USP18: variants seen among roughly 807,000 people sequenced by gnomAD.
The protein encoded by USP18 is ubl carboxyl-terminal hydrolase 18.
A neutral mutation model predicts 48.7 loss-of-function variants in USP18; 11 were observed. The ratio of observed to expected loss-of-function variants is 0.23; its 90% CI spans 0.14 to 0.37. The LOEUF is 0.37. Ranked by LOEUF, USP18 falls within the 10% of genes least tolerant of loss-of-function variation. USP18 has a pLI of 1.00. For synonymous variants in USP18, 114 were observed against 163.2 expected, an observed-to-expected ratio of 0.70 and a Z score of 2.30; for missense variants, 285 against 436.4, an observed-to-expected ratio of 0.65 and a Z score of 3.09.
At chr22:18,159,825 A>G (rs8137730) in intron 2 of USP18, among the ~76,000 whole-genome samples, 5,073 of 151,850 alleles carry the variant, frequency 0.033, 295 homozygotes, top group African/African-American at 0.12. Context: ...ACAGGCGCCC[A>G]CCACCACGCC....
intron 2 of USP18, among the ~76,000 whole-genome samples, chr22:18,159,430 C>T (rs867208667): frequency 1.3e-4 from 19 of 151,854 alleles, no homozygotes; most frequent in Admixed American, 5.3e-4. Flanking sequence ...ATGAACACTT[C>T]GTACTTGAGA....
intron 8 of USP18, among the ~76,000 whole-genome samples, chr22:18,172,288 A>G (rs1929650561): frequency 6.6e-6 from 1 of 152,206 alleles, no homozygotes; most frequent in South Asian, 2.1e-4. Context: ...AGCAAATCCC[A>G]GACATCATAC....
At chr22:18,158,512 G>A (rs903057929) in intron 2 of USP18, among the ~76,000 whole-genome samples, 9 of 152,148 alleles carry the variant, frequency 5.9e-5, no homozygotes, top group African/African-American at 2.2e-4. Context: ...TGTGACCCCA[G>A]GTTGTTACTT....
intron 5 of USP18, 125 bp downstream of exon 5, chr22:18,167,459 A>G: frequency 1.8e-6 from 2 of 1,117,958 alleles, no homozygotes; most frequent in Non-Finnish European, 2.5e-6. Flanking sequence ...GCACTTTGGG[A>G]GGCTGAGGCA....
Position 18,151,123 on chromosome 22 carries a change from G to C in USP18, c.-107+901G>C, listed in dbSNP as rs557081259. 2.2e-3 allele frequency among the ~76,000 whole-genome samples: 332 copies of C among 152,202 alleles called. 1 individual carries two copies. Among genetic ancestry groups the C allele is most frequent in the Middle Eastern group, 0.017 (5 of 294 alleles). ...AAAATTCCTAGAAGTGGAATGGCTG[G>C]GTCAGTGGGCATTCATATTGAGAAA... On this transcript the variant is annotated intron_variant, in intron 1 of 10. Transcript: ENST00000215794.
intron 2 of USP18, among the ~76,000 whole-genome samples, chr22:18,159,058 T>TTG (rs776585772): frequency 1.8e-4 from 27 of 151,950 alleles, no homozygotes; most frequent in South Asian, 4.2e-4. Context: ...ATCGAACTTT[T>TTG]TGTGTGTGTG....
At chr22:18,175,396 C>T (rs1356402757) in intron 10 of USP18, among the ~76,000 whole-genome samples, 1 of 151,064 alleles carries the variant, frequency 6.6e-6, no homozygotes, top group African/African-American at 2.5e-5. Flanking sequence ...GTGAAGCTTG[C>T]GTTTGAAATC....
intron 4 of USP18, among the ~76,000 whole-genome samples, chr22:18,163,119 C>A (rs867714424): frequency 5.9e-4 from 90 of 151,976 alleles, no homozygotes; most frequent in African/African-American, 2.1e-3. Context: ...TTCTTTTGAA[C>A]TTTTTTCTGT....
At chr22:18,172,010 C>G (rs1929640365) in intron 8 of USP18, among the ~76,000 whole-genome samples, 1 of 152,128 alleles carries the variant, frequency 6.6e-6, no homozygotes, top group Admixed American at 6.6e-5. Flanking sequence ...GTGGGTCACG[C>G]CTGTAATCTC....
chr22:18,158,217 G>A (rs977467678), intron 2 of USP18, among the ~76,000 whole-genome samples: 2 of 152,158 alleles, frequency 1.3e-5, no homozygotes, highest in African/African-American at 4.8e-5. Context: ...GAACCTGGGC[G>A]GCAGAGGTTG....
At chr22:18,168,646 A>C (rs1929548149) in intron 6 of USP18, among the ~76,000 whole-genome samples, 2 of 152,168 alleles carry the variant, frequency 1.3e-5, no homozygotes, top group Non-Finnish European at 2.9e-5. Context: ...CACCTGCCTC[A>C]GCCTCCCTGG....
Position 18,175,197 on chromosome 22 carries a change from G to A in USP18, c.1073+1355G>A, listed in dbSNP as rs868178271. On this transcript the variant is annotated intron_variant, in intron 10 of 10. Coordinates refer to ENST00000215794, the MANE Select transcript of USP18 (RefSeq NM_017414.4). ...CAAAGTGCTGGGATTACAGGCATGA[G>A]CCAATAAATATTTTTATAATCATTA... Among the ~76,000 whole-genome samples the A allele has an allele frequency of 3.4e-4, 52 of 152,326 alleles. No individual in the cohort carries two copies. The Middle Eastern group carries it at 0.017, about 50-fold the overall frequency.
At chr22:18,157,353 G>A (rs1207302718) in intron 1 of USP18, among the ~76,000 whole-genome samples, 4 of 152,204 alleles carry the variant, frequency 2.6e-5, no homozygotes, top group Admixed American at 1.3e-4. Flanking sequence ...GGATTTGGCA[G>A]TCGGCTCTGA....
At chr22:18,152,076 A>G (rs1348097545) in intron 1 of USP18, among the ~76,000 whole-genome samples, 1 of 152,192 alleles carries the variant, frequency 6.6e-6, no homozygotes, top group Non-Finnish European at 1.5e-5. Context: ...AAAAATAAAA[A>G]AAGAAAAAAG....
chr22:18,155,620 GGCCA>G (rs201330443), intron 1 of USP18, among the ~76,000 whole-genome samples: 6,173 of 152,250 alleles, frequency 0.041, 165 homozygotes, highest in African/African-American at 0.074. Context: ...CACTCGGAGC[GGCCA>G]GCCGGCCGGC....
intron 8 of USP18, among the ~76,000 whole-genome samples, chr22:18,172,140 T>C (rs538614012): frequency 1.2e-3 from 186 of 152,296 alleles, no homozygotes; most frequent in African/African-American, 4.3e-3. Flanking sequence ...ACATTACAAA[T>C]AGATACCAAA....
At chr22:18,167,636 T>C (rs2123737596) in intron 5 of USP18, among the ~76,000 whole-genome samples, 1 of 143,940 alleles carries the variant, frequency 6.9e-6, no homozygotes, top group Non-Finnish European at 1.5e-5. Context: ...AAGCGGAGCT[T>C]GCAGTGAGCC....
intron 10 of USP18, 124 bp downstream of exon 10, chr22:18,173,966 A>G: frequency 1.4e-6 from 2 of 1,396,452 alleles, no homozygotes; most frequent in Non-Finnish European, 2.0e-6. Flanking sequence ...CCTCATCTCC[A>G]GCACTCACCC....
chr22:18,150,356 C>G (rs568651668), intron 1 of USP18, 134 bp downstream of exon 1: 2 of 152,298 alleles, frequency 1.3e-5, no homozygotes, highest in South Asian at 4.1e-4. Context: ...GTATTTACTA[C>G]GTGCATATAT....
Sources: allele counts gnomAD v4.1 joint callset (sites outside exome capture counted in the v4.1 genomes callset), GRCh38; gene constraint gnomAD v4.1.1; transcripts MANE v1.5; gene names NCBI Gene and HGNC (gene_info 2026-07-23, HGNC 2026-07-21).